XRN2: variants seen among roughly 807,000 people sequenced by gnomAD.
XRN2 encodes DHM1-like protein.
XRN2 carries 44 observed loss-of-function variants against 138.5 expected under a neutral mutation model. The observed-to-expected ratio is 0.32, with a 90% CI of 0.25 to 0.41. XRN2 has a LOEUF of 0.41. Among genes scored for constraint, XRN2 ranks in the 10% least tolerant of loss-of-function variants. The pLI, the probability that XRN2 is intolerant of heterozygous loss-of-function variation, is 1.00. For synonymous variants in XRN2, 354 were observed against 369.4 expected (o/e 0.96, Z 0.48); for missense variants, 937 against 1,169.3 (o/e 0.80, Z 2.90).
chr20:21,340,588 A>T, intron 14 of XRN2, 133 bp from the exon 15 acceptor site: 1 of 902,174 alleles, frequency 1.1e-6, no homozygotes, highest in South Asian at 1.7e-5. Flanking sequence ...ATTAACGAAG[A>T]TCATTTGGTT....
intron 15 of XRN2, among the ~76,000 whole-genome samples, chr20:21,341,756 T>C (rs1233391545): frequency 1.3e-5 from 2 of 152,232 alleles, no homozygotes; most frequent in African/African-American, 4.8e-5. Context: ...CAGAAATAGC[T>C]GATGCCCATC....
chr20:21,359,717 G>A (rs1401858858), intron 24 of XRN2, among the ~76,000 whole-genome samples: 1 of 152,140 alleles, frequency 6.6e-6, no homozygotes, highest in African/African-American at 2.4e-5. Flanking sequence ...CATTGAGGCA[G>A]AGATCCAGTT....
At chr20:21,346,784 A>G (rs1230463110) in intron 17 of XRN2, among the ~76,000 whole-genome samples, 3 of 151,784 alleles carry the variant, frequency 2.0e-5, no homozygotes, top group African/African-American at 7.3e-5. Flanking sequence ...ACACCCGGCT[A>G]ATTTTTGTAT....
In XRN2 at chr20:21,342,356, G is replaced by GA. The variant is rs377633058; in HGVS notation, c.1410+1511dup. Among the ~76,000 whole-genome samples, 4 of 151,944 alleles carry GA rather than the reference G, an allele frequency of 2.6e-5. No homozygotes were observed. In the East Asian group the frequency reaches 5.8e-4, roughly 22 times the overall value. Reference sequence around the variant, plus strand: ...GTGGTTTCATTATATCTAATTTGATGAAAAAAACAGCTTAAGAAGAAATTT... The same window carrying GA: ...GTGGTTTCATTATATCTAATTTGATGAAAAAAAACAGCTTAAGAAGAAATTT... On this transcript the variant is annotated intron_variant, in intron 15 of 29. Transcript: ENST00000377191.
intron 19 of XRN2, among the ~76,000 whole-genome samples, 195 bp from the exon 20 acceptor site, chr20:21,349,194 A>G (rs911790260): frequency 1.3e-5 from 2 of 152,194 alleles, no homozygotes; most frequent in African/African-American, 4.8e-5. Flanking sequence ...ATGCTTTTTC[A>G]TCTTTTAAAA....
At chr20:21,345,239 G>A (rs576613258) in intron 16 of XRN2, among the ~76,000 whole-genome samples, 13 of 152,216 alleles carry the variant, frequency 8.5e-5, no homozygotes, top group Non-Finnish European at 1.8e-4. Flanking sequence ...GATTTGTTTA[G>A]TATTTTATTG....
At chr20:21,388,285 C>G (rs2038955732) in intron 29 of XRN2, among the ~76,000 whole-genome samples, 1 of 152,216 alleles carries the variant, frequency 6.6e-6, no homozygotes, top group African/African-American at 2.4e-5. Context: ...GGAGATCTTC[C>G]TTTTAAAGGA....
At chr20:21,304,506 T>C (rs1194069205) in intron 1 of XRN2, among the ~76,000 whole-genome samples, 1 of 152,214 alleles carries the variant, frequency 6.6e-6, no homozygotes, top group Non-Finnish European at 1.5e-5. Flanking sequence ...TTATTGAACT[T>C]TACTTGCACG....
At chr20:21,374,072 CTA>C (rs1314918930) in intron 27 of XRN2, among the ~76,000 whole-genome samples, 1 of 152,068 alleles carries the variant, frequency 6.6e-6, no homozygotes, top group Non-Finnish European at 1.5e-5. Context: ...AGAATTAATA[CTA>C]TATAATTGAT....
At chr20:21,352,550 C>T (rs563764461) in intron 20 of XRN2, among the ~76,000 whole-genome samples, 152 of 152,128 alleles carry the variant, frequency 1.0e-3, no homozygotes, top group Non-Finnish European at 1.4e-3. Context: ...AGGCTGGTCT[C>T]GAACTCCTGA....
intron 28 of XRN2, among the ~76,000 whole-genome samples, chr20:21,383,883 A>G (rs1363764209): frequency 2.0e-5 from 3 of 152,348 alleles, no homozygotes; most frequent in Non-Finnish European, 2.9e-5. Flanking sequence ...CCTGAAAGCA[A>G]AAGGTAAATG....
At chr20:21,335,371 T>C (rs2038271720) in intron 13 of XRN2, among the ~76,000 whole-genome samples, 1 of 152,228 alleles carries the variant, frequency 6.6e-6, no homozygotes, top group African/African-American at 2.4e-5. Flanking sequence ...GATAACAACA[T>C]ATATTACTGC....
At chr20:21,355,207 A>G (rs1481390283) in intron 21 of XRN2, among the ~76,000 whole-genome samples, 6 of 152,160 alleles carry the variant, frequency 3.9e-5, no homozygotes, top group Non-Finnish European at 8.8e-5. Flanking sequence ...CATTTTCTCC[A>G]TCTACCTTCT....
chr20:21,348,453 T>C (rs1197144142), intron 19 of XRN2, 23 bp downstream of exon 19: 19 of 1,594,890 alleles, frequency 1.2e-5, no homozygotes, highest in Non-Finnish European at 1.5e-5. Flanking sequence ...ATTTTGAGTG[T>C]GTGGGTGACA....
At chr20:21,385,306 G>C (rs981428409) in intron 28 of XRN2, among the ~76,000 whole-genome samples, 20 of 152,158 alleles carry the variant, frequency 1.3e-4, no homozygotes, top group African/African-American at 4.6e-4. Flanking sequence ...GTTTTGATGA[G>C]ACTTTGGTTA....
At chr20:21,337,356 A>G (rs1302135875) in intron 13 of XRN2, among the ~76,000 whole-genome samples, 2 of 152,216 alleles carry the variant, frequency 1.3e-5, no homozygotes, top group Non-Finnish European at 2.9e-5. Flanking sequence ...CAAATGGATT[A>G]AACATAGAGT....
chr20:21,319,577 A>AT (rs2038009512), intron 1 of XRN2, among the ~76,000 whole-genome samples: 1 of 151,938 alleles, frequency 6.6e-6, no homozygotes, highest in Admixed American at 6.6e-5. Flanking sequence ...TCCACTATAT[A>AT]TTTTTTCAAA....
intron 1 of XRN2, among the ~76,000 whole-genome samples, chr20:21,321,711 C>T (rs1232452180): frequency 6.6e-6 from 1 of 152,112 alleles, no homozygotes; most frequent in Admixed American, 6.5e-5. Flanking sequence ...AAAATTTTTA[C>T]AGGTTTTCTT....
At chr20:21,378,050 C>T (rs567120125) in intron 27 of XRN2, among the ~76,000 whole-genome samples, 1 of 152,286 alleles carries the variant, frequency 6.6e-6, no homozygotes, top group East Asian at 1.9e-4. Context: ...CTTCTCTTTA[C>T]ATTTTAAGTG....
Sources: allele counts gnomAD v4.1 joint callset (sites outside exome capture counted in the v4.1 genomes callset), GRCh38; gene constraint gnomAD v4.1.1; transcripts MANE v1.5; gene names NCBI Gene and HGNC (gene_info 2026-07-23, HGNC 2026-07-21).